Variants in NPEPL1 observed in about 807,000 individuals in gnomAD.
NPEPL1 encodes the protein probable aminopeptidase NPEPL1.
A neutral mutation model predicts 52.4 loss-of-function variants in NPEPL1; 45 were observed. The observed-to-expected ratio is 0.86, with a 90% CI of 0.68 to 1.10. NPEPL1 has a LOEUF of 1.10. Among genes scored for constraint, NPEPL1 ranks in the 50% least tolerant of loss-of-function variants. The pLI is 0.00. For synonymous variants in NPEPL1, 360 were observed against 314.7 expected (o/e 1.14, Z -1.52); for missense variants, 696 against 710.9 (o/e 0.98, Z 0.24).
chr20:58,708,988 G>A (rs1357561447), intron 7 of NPEPL1, among the ~76,000 whole-genome samples: 1 of 152,170 alleles, frequency 6.6e-6, no homozygotes, highest in Non-Finnish European at 1.5e-5. Context: ...GGCTGGCTGG[G>A]AATGCCCCAG....
chr20:58,702,250 C>G (rs1217509945), intron 6 of NPEPL1, among the ~76,000 whole-genome samples: 1 of 152,270 alleles, frequency 6.6e-6, no homozygotes. Flanking sequence ...TGCTGGCGTT[C>G]TGTTCCCGCC....
intron 7 of NPEPL1, among the ~76,000 whole-genome samples, chr20:58,707,713 CGTGGGGGGG>C (rs985326513): frequency 3.7e-3 from 34 of 9,098 alleles, no homozygotes; most frequent in Non-Finnish European, 6.5e-3. Flanking sequence ...ACTCGGGGGG[CGTGGGGGGG>C]GTGGGGGGTG....
chr20:58,697,291 C>T (rs2084513439), intron 3 of NPEPL1, among the ~76,000 whole-genome samples: 1 of 152,222 alleles, frequency 6.6e-6, no homozygotes, highest in African/African-American at 2.4e-5. Flanking sequence ...GCGTCAGAGC[C>T]CCGAGCTCGC....
Position 58,714,567 on chromosome 20 carries a change from A to T in NPEPL1, c.1310A>T (p.Asp437Val), listed in dbSNP as rs1356518105. The change falls in exon 11 of 12, where the codon GAC becomes GTC. Residue 437 changes from aspartate (D) to valine (V), a missense_variant. Transcript: ENST00000356091. ...ADMKNSVADR[D>V]NSPSSCAGLF... ...TCCTCCTGGCCTCCCTAGGACCGAG[A>T]CAACAGCCCCAGCTCCTGTGCTGGC... 1.0e-5 allele frequency: 16 copies of T among 1,582,380 alleles called. No homozygotes were observed. Among genetic ancestry groups the T allele is most frequent in the African/African-American group, 1.3e-5 (1 of 74,224 alleles).
chr20:58,699,436 C>T (rs2084565245), intron 5 of NPEPL1, among the ~76,000 whole-genome samples, 158 bp downstream of exon 5: 1 of 152,180 alleles, frequency 6.6e-6, no homozygotes, highest in Non-Finnish European at 1.5e-5. Flanking sequence ...AGTGCCGGAC[C>T]CTGGGAAGCA....
At chr20:58,699,396 C>A in intron 5 of NPEPL1, 118 bp downstream of exon 5, 1 of 781,668 alleles carries the variant, frequency 1.3e-6, no homozygotes, top group Non-Finnish European at 2.0e-6. Flanking sequence ...CTGCTTGTGA[C>A]CTGAAAGGAA....
At position 58,698,793 on chromosome 20, in the gene NPEPL1, C is replaced by T. The variant is rs768904083; in HGVS notation, c.597+20C>T. 8.8e-6 allele frequency: 14 copies of T among 1,597,792 alleles called. No homozygotes were observed. Among genetic ancestry groups the T allele is most frequent in the Admixed American group, 5.0e-5 (3 of 59,882 alleles). Reference sequence around the variant, plus strand: ...CTCGAGGTTTGTGGCGTCATCAGGCCGGGGGTGGGACCAGGCTGGGGTGGG... The same window carrying T: ...CTCGAGGTTTGTGGCGTCATCAGGCTGGGGGTGGGACCAGGCTGGGGTGGG... On this transcript the variant is annotated intron_variant, in intron 4 of 11. Coordinates refer to ENST00000356091, the MANE Select transcript of NPEPL1 (RefSeq NM_024663.4).
rs565831375 is a variant in NPEPL1 at position 58,698,684 on chromosome 20, T to G, written c.508T>G (p.Cys170Gly). ...NGPVEVSTLQ[C>G]LANATDGVRL... ...CCAGTGATGGCCTTTTTCTCCCTAG[T>G]GCTTAGCGAATGCCACAGACGGCGT... The change falls in exon 4 of 12, where the codon TGC becomes GGC. Residue 170 changes from cysteine (C) to glycine (G), a missense_variant and splice_region_variant. Transcript: ENST00000356091. 1.2e-5 allele frequency: 19 copies of G among 1,612,386 alleles called. No individual in the cohort carries two copies. The highest frequency in any genetic ancestry group is 2.7e-5 in the African/African-American group (2 of 75,046).
intron 1 of NPEPL1, 194 bp from the exon 2 acceptor site, chr20:58,693,543 C>A: frequency 1.9e-6 from 1 of 517,024 alleles, no homozygotes; most frequent in South Asian, 3.1e-5. Flanking sequence ...CAGGGGGATG[C>A]GAGCCAGCCT....
At chr20:58,703,338 T>C in intron 6 of NPEPL1, 1 of 384,290 alleles carries the variant, frequency 2.6e-6, no homozygotes, top group South Asian at 1.1e-4. Flanking sequence ...ATGTTATTGC[T>C]GACTTTGTTC....
At position 58,701,074 on chromosome 20, in the gene NPEPL1, C is replaced by T. The variant is rs1297032245; in HGVS notation, c.738C>T (p.His246=). The T allele has an allele frequency of 2.5e-6, 4 of 1,596,432 alleles. No homozygotes were observed. Among genetic ancestry groups the T allele is most frequent in the South Asian group, 1.1e-5 (1 of 87,502 alleles). The stretch of plus-strand genomic sequence containing the variant: ...CCCCAGCCCTGGCCGTCCTCAGCCA[C>T]ACCCCAGATGGAGCCACGCAGACCA... ...LHPPALAVLS[H]TPDGATQTIA... is the part of the protein sequence containing the mutation. The change falls in exon 6 of 12, where the codon CAC becomes CAT. Residue 246 remains histidine (H), a synonymous_variant. Transcript: ENST00000356091.
chr20:58,712,647 C>A, intron 8 of NPEPL1, 68 bp downstream of exon 8: 1 of 1,082,296 alleles, frequency 9.2e-7, no homozygotes, highest in Non-Finnish European at 1.4e-6. Flanking sequence ...GCCTGCAATG[C>A]CAGCTCACTC....
At chr20:58,701,973 T>G (rs2084634932) in intron 6 of NPEPL1, among the ~76,000 whole-genome samples, 2 of 152,044 alleles carry the variant, frequency 1.3e-5, no homozygotes, top group Admixed American at 1.3e-4. Flanking sequence ...TCTCCATCCA[T>G]TCATCCTACA....
chr20:58,697,259 T>G (rs1302625823), intron 3 of NPEPL1, among the ~76,000 whole-genome samples: 1 of 152,176 alleles, frequency 6.6e-6, no homozygotes, highest in African/African-American at 2.4e-5. Context: ...AGCCCTGCCC[T>G]CCCTCCCACA....
chr20:58,705,082 G>GGT (rs1188765515), intron 6 of NPEPL1, among the ~76,000 whole-genome samples: 5 of 152,280 alleles, frequency 3.3e-5, no homozygotes, highest in South Asian at 2.1e-4. Flanking sequence ...AAGTTGTCAT[G>GGT]GTGATAGGAG....
At chr20:58,696,852 G>A (rs1429938357) in intron 3 of NPEPL1, among the ~76,000 whole-genome samples, 3 of 152,180 alleles carry the variant, frequency 2.0e-5, no homozygotes, top group Non-Finnish European at 4.4e-5. Flanking sequence ...TTGTCCCCAC[G>A]ACATTGAGTG....
At chr20:58,692,680 G>C, upstream of NPEPL1, 1 of 372,574 alleles carries the variant, frequency 2.7e-6, no homozygotes, top group Non-Finnish European at 3.7e-6. The surrounding 1 kb of genome is among the most constrained non-coding windows in gnomAD (Gnocchi z 5.7). Flanking sequence ...CTGCCCGGCC[G>C]GGCCTGCCCG....
intron 6 of NPEPL1, chr20:58,705,554 C>G (rs747959666): frequency 4.4e-6 from 2 of 456,164 alleles, no homozygotes; most frequent in African/African-American, 4.0e-5. Context: ...TGGCCTGATA[C>G]TCCAGCACAG....
intron 10 of NPEPL1, 77 bp from the exon 11 acceptor site, chr20:58,714,483 G>A: frequency 1.9e-6 from 2 of 1,073,028 alleles, no homozygotes; most frequent in Non-Finnish European, 1.3e-6. Context: ...GACAGCAATA[G>A]TGACAGGCGA....
Sources: gnomAD v4.1 joint callset for allele counts (sites outside exome capture counted in the v4.1 genomes callset) on GRCh38, gnomAD v4.1.1 for gene constraint, Gnocchi (gnomAD v3.1) non-coding constraint, MANE v1.5 for transcripts, NCBI Gene and HGNC (gene_info 2026-07-23, HGNC 2026-07-21) for gene names.